Variants in IPO11 observed in about 807,000 individuals in gnomAD.
IPO11 encodes the protein importin-11.
A neutral mutation model predicts 143.2 loss-of-function variants in IPO11; 66 were observed. That is an observed-to-expected ratio of 0.46 (90% CI 0.38 to 0.57). The LOEUF (loss-of-function observed/expected upper bound fraction) is 0.57, where lower values mean the gene tolerates loss of function less well. IPO11 is among the 20% of genes least tolerant of loss of function. IPO11 has a pLI of 0.00. For synonymous variants in IPO11, 385 were observed against 377.8 expected (o/e 1.02, Z -0.22); for missense variants, 1,026 against 1,141.0 (o/e 0.90, Z 1.45).
intron 24 of IPO11, among the ~76,000 whole-genome samples, chr5:62,543,049 A>G (rs1475903707): frequency 6.6e-6 from 1 of 152,200 alleles, no homozygotes; most frequent in Non-Finnish European, 1.5e-5. Flanking sequence ...TCTTTTCCCC[A>G]GTCTTACAGA....
intron 1 of IPO11, among the ~76,000 whole-genome samples, chr5:62,427,568 T>C (rs969003581): frequency 1.3e-5 from 2 of 152,326 alleles, no homozygotes; most frequent in East Asian, 1.9e-4. Context: ...CATTACTACC[T>C]GAGGTCCACC....
chr5:62,580,628 G>C (rs1488768757), intron 27 of IPO11: 1 of 1,551,412 alleles, frequency 6.4e-7, no homozygotes, highest in Non-Finnish European at 8.7e-7. Flanking sequence ...AGAGCATTAC[G>C]TTATATTAAC....
intron 9 of IPO11, among the ~76,000 whole-genome samples, chr5:62,482,305 T>TA (rs776320311): frequency 2.0e-5 from 3 of 152,250 alleles, no homozygotes; most frequent in Non-Finnish European, 4.4e-5. Flanking sequence ...GCTCTGATCT[T>TA]AGTTACTTCT....
intron 5 of IPO11, among the ~76,000 whole-genome samples, chr5:62,463,846 C>G (rs796924416): frequency 1.4e-4 from 21 of 147,854 alleles, no homozygotes; most frequent in African/African-American, 5.0e-4. Context: ...TTTTTAATGA[C>G]AGAGTCTCGC....
rs530044835 is a variant in IPO11, at chr5:62,585,261, T to A, written c.2583-6316T>A. On this transcript the variant is annotated intron_variant, in intron 27 of 29. Transcript: ENST00000325324. ...ATGTTGTAGTGCAGTTTCCTCAAGC[T>A]TTGGCTTTCAAAACTCCCTTATCCT... Among the ~76,000 whole-genome samples, 105 of 152,362 alleles carry A rather than the reference T, an allele frequency of 6.9e-4. 1 individual carries two copies. In the South Asian group the frequency reaches 0.022, roughly 31 times the overall value.
At position 62,443,054 on chromosome 5, in the gene IPO11, T is replaced by C. The variant is rs376584279; in HGVS notation, c.210T>C (p.Ile70=). ...CTGTACTGTATTTTAAACATGGAAT[T>C]GATCGCTACTGGAGACGTGTAGCAC... ...WLAVLYFKHG[I]DRYWRRVAPH... Residue 70 remains isoleucine, a synonymous_variant, in exon 3 of 30, where the codon ATT becomes ATC. Coordinates refer to ENST00000325324, the MANE Select transcript of IPO11 (RefSeq NM_016338.5). 3 of 1,611,616 alleles carry C rather than the reference T, an allele frequency of 1.9e-6. No individual in the cohort carries two copies. Among genetic ancestry groups the C allele is most frequent in the Non-Finnish European group, 2.5e-6 (3 of 1,178,506 alleles).
chr5:62,447,666 A>G (rs1580190033), intron 3 of IPO11, among the ~76,000 whole-genome samples: 1 of 151,532 alleles, frequency 6.6e-6, no homozygotes, highest in Non-Finnish European at 1.5e-5. Flanking sequence ...GCTCACTGCA[A>G]CCTCGACTTC....
At chr5:62,597,175 G>T (rs1745259703) in intron 28 of IPO11, among the ~76,000 whole-genome samples, 1 of 152,136 alleles carries the variant, frequency 6.6e-6, no homozygotes, top group South Asian at 2.1e-4. Flanking sequence ...GGATTGAAGG[G>T]ATTTAAATAA....
chr5:62,458,930 A>G (rs768830092), intron 5 of IPO11, among the ~76,000 whole-genome samples: 1 of 152,202 alleles, frequency 6.6e-6, no homozygotes, highest in Non-Finnish European at 1.5e-5. Flanking sequence ...CTATCCCCCA[A>G]GTATCTAAAA....
At chr5:62,573,116 G>A (rs1744198333) in intron 27 of IPO11, among the ~76,000 whole-genome samples, 3 of 151,798 alleles carry the variant, frequency 2.0e-5, no homozygotes, top group Non-Finnish European at 4.4e-5. Flanking sequence ...GCATGATCTC[G>A]GCTCACTGCA....
intron 29 of IPO11, among the ~76,000 whole-genome samples, chr5:62,613,562 C>G (rs996226951): frequency 6.6e-6 from 1 of 152,020 alleles, no homozygotes; most frequent in Non-Finnish European, 1.5e-5. Context: ...CTCAGCCTCC[C>G]AAAGTACTGG....
chr5:62,593,522 C>T (rs1025447676), intron 28 of IPO11, among the ~76,000 whole-genome samples: 11 of 152,024 alleles, frequency 7.2e-5, no homozygotes, highest in African/African-American at 2.4e-4. Flanking sequence ...AGTGGAGTGA[C>T]ACAGCAGATT....
intron 5 of IPO11, among the ~76,000 whole-genome samples, chr5:62,456,772 G>A (rs1745174496): frequency 1.3e-5 from 2 of 152,164 alleles, no homozygotes; most frequent in East Asian, 1.9e-4. Context: ...GTGGAAGAAC[G>A]CAACCCCCCT....
In IPO11 at chr5:62,465,556, G is replaced by A. The variant is rs182234998; in HGVS notation, c.517-1575G>A. 9.2e-5 allele frequency among the ~76,000 whole-genome samples: 14 copies of A among 152,254 alleles called. No homozygotes were observed. The East Asian group carries it at 2.7e-3, about 29-fold the overall frequency. Reference sequence around the variant, plus strand: ...TTTTTATGATACAGTGGTTTGTGTTGTAACACTATGAATTGAGAGAATGAT... The same window carrying A: ...TTTTTATGATACAGTGGTTTGTGTTATAACACTATGAATTGAGAGAATGAT... On this transcript the variant is annotated intron_variant, in intron 5 of 29. Coordinates refer to ENST00000325324, the MANE Select transcript of IPO11 (RefSeq NM_016338.5).
chr5:62,434,791 G>A (rs919477401), intron 1 of IPO11, among the ~76,000 whole-genome samples: 2 of 151,960 alleles, frequency 1.3e-5, no homozygotes, highest in African/African-American at 4.8e-5. Flanking sequence ...TCAGGAGGCC[G>A]AGGCAGGCGG....
chr5:62,519,930 C>T (rs1035256701), intron 20 of IPO11, among the ~76,000 whole-genome samples: 1 of 152,200 alleles, frequency 6.6e-6, no homozygotes, highest in African/African-American at 2.4e-5. Context: ...CTAGGGTCCC[C>T]TCTTGTTCCC....
intron 20 of IPO11, among the ~76,000 whole-genome samples, chr5:62,525,094 T>A (rs1306226111): frequency 6.6e-6 from 1 of 152,188 alleles, no homozygotes; most frequent in Non-Finnish European, 1.5e-5. Context: ...ATTAAAAATG[T>A]TATCAAAAAT....
At chr5:62,486,743 A>G (rs1437428383) in intron 12 of IPO11, among the ~76,000 whole-genome samples, 2 of 152,158 alleles carry the variant, frequency 1.3e-5, no homozygotes, top group East Asian at 1.9e-4. Context: ...TTAATTTTTA[A>G]AAGTTTCTTT....
intron 12 of IPO11, among the ~76,000 whole-genome samples, chr5:62,487,195 GTGTT>G (rs1746437505): frequency 6.6e-6 from 1 of 152,076 alleles, no homozygotes; most frequent in African/African-American, 2.4e-5. Flanking sequence ...GTTACCGCTT[GTGTT>G]TGTTAAGAGA....
Sources: allele counts gnomAD v4.1 joint callset (sites outside exome capture counted in the v4.1 genomes callset), GRCh38; gene constraint gnomAD v4.1.1; transcripts MANE v1.5; gene names NCBI Gene and HGNC (gene_info 2026-07-23, HGNC 2026-07-21).